Variants in TNRC6C observed in about 807,000 individuals in gnomAD.
The protein encoded by TNRC6C is trinucleotide repeat-containing gene 6C protein.
In TNRC6C, 20 loss-of-function variants were observed where a neutral mutation model predicts 153.7. That is an observed-to-expected ratio of 0.13 (90% CI 0.09 to 0.19). The LOEUF (loss-of-function observed/expected upper bound fraction) is 0.19. Ranked by LOEUF, TNRC6C falls within the 10% of genes least tolerant of loss-of-function variation. The pLI is 1.00. For missense variants in TNRC6C, 1,987 were observed against 2,172.0 expected (o/e 0.91, Z 1.69); for synonymous variants, 811 against 841.4 (o/e 0.96, Z 0.63).
At chr17:78,054,626 A>G (rs1286386900) in intron 3 of TNRC6C, among the ~76,000 whole-genome samples, 1 of 151,866 alleles carries the variant, frequency 6.6e-6, no homozygotes, top group Non-Finnish European at 1.5e-5. Context: ...AGACTAGTAT[A>G]CACCACTGCA....
upstream of TNRC6C, among the ~76,000 whole-genome samples, chr17:77,999,259 G>A (rs751419302): frequency 5.9e-5 from 9 of 152,294 alleles, no homozygotes; most frequent in African/African-American, 1.4e-4. Flanking sequence ...CCTCTGCTGC[G>A]AAAGATGGGT....
At chr17:77,965,081 A>T (rs751076148) in intron 1 of TNRC6C, among the ~76,000 whole-genome samples, 1 of 152,222 alleles carries the variant, frequency 6.6e-6, no homozygotes, top group Admixed American at 6.5e-5. Flanking sequence ...TGCCAAGGAC[A>T]TGAGTTTATC....
exon 3 of TNRC6C, chr17:78,050,876 T>C (rs2072515465): frequency 6.2e-7 from 1 of 1,613,766 alleles, no homozygotes; most frequent in African/African-American, 1.3e-5. Context: ...TCATCGTCTG[T>C]CCTTGGACAC....
At position 78,101,561 on chromosome 17, in the gene TNRC6C, G is replaced by A. The variant is rs566837411; in HGVS notation, c.4502-913G>A. 2.0e-3 allele frequency among the ~76,000 whole-genome samples: 312 copies of A among 152,262 alleles called. 4 individuals are homozygous for A. Among genetic ancestry groups the A allele is most frequent in the African/African-American group, 6.8e-3 (283 of 41,524 alleles). On this transcript the variant is annotated intron_variant, in intron 17 of 19. Coordinates refer to ENST00000301624, the Ensembl canonical transcript of TNRC6C. ...GACACACACACAGAAATAGAGCGGT[G>A]TGAAGTGGGAAATCGGGGGTCTCAC...
intron 1 of TNRC6C, among the ~76,000 whole-genome samples, chr17:78,014,579 T>C (rs1163272179): frequency 6.6e-6 from 1 of 151,346 alleles, no homozygotes; most frequent in Non-Finnish European, 1.5e-5. Flanking sequence ...TCTTACTGTT[T>C]GTAGTCATTA....
At chr17:77,981,984 T>C (rs2071084874) in intron 1 of TNRC6C, among the ~76,000 whole-genome samples, 1 of 152,054 alleles carries the variant, frequency 6.6e-6, no homozygotes, top group Non-Finnish European at 1.5e-5. Context: ...TGTTAGGAGG[T>C]GGGGCCTTTG....
chr17:78,060,718 C>T (rs2072750950), intron 3 of TNRC6C, among the ~76,000 whole-genome samples: 1 of 152,092 alleles, frequency 6.6e-6, no homozygotes, highest in Non-Finnish European at 1.5e-5. Flanking sequence ...TTATCATATA[C>T]TCTTAATTAA....
Position 78,067,940 on chromosome 17 carries a change from TAAC to T in TNRC6C, c.2778+18_2778+20del. The T allele has an allele frequency of 6.3e-7, 1 of 1,594,372 alleles. No homozygotes were observed. Among genetic ancestry groups the T allele is most frequent in the Non-Finnish European group, 8.5e-7 (1 of 1,171,792 alleles). Reference sequence around the variant, plus strand: ...CTTCAAAAGGTAAGTACAACACTCTTAACGACGGTACACCCTGAAAACCAAAGG... The same window carrying T: ...CTTCAAAAGGTAAGTACAACACTCTTGACGGTACACCCTGAAAACCAAAGG... On this transcript the variant is annotated intron_variant, in intron 5 of 19. Transcript: ENST00000301624.
chr17:77,980,287 G>A (rs1477167582), intron 1 of TNRC6C, among the ~76,000 whole-genome samples: 1 of 152,204 alleles, frequency 6.6e-6, no homozygotes, highest in African/African-American at 2.4e-5. Context: ...AATTTTTAAA[G>A]TAAAAATAAT....
chr17:78,029,683 CACTT>C (rs1450316882), intron 1 of TNRC6C, among the ~76,000 whole-genome samples: 2 of 152,052 alleles, frequency 1.3e-5, no homozygotes, highest in Admixed American at 6.5e-5. Flanking sequence ...TTCATAATAA[CACTT>C]AGCTTAAAAG....
At chr17:77,965,214 A>T (rs572685838) in intron 1 of TNRC6C, among the ~76,000 whole-genome samples, 16 of 152,242 alleles carry the variant, frequency 1.1e-4, no homozygotes, top group Non-Finnish European at 2.1e-4. Flanking sequence ...CAGAATTTAA[A>T]CTCAATACAC....
chr17:78,024,108 C>G (rs895921549), intron 1 of TNRC6C, among the ~76,000 whole-genome samples: 18 of 151,976 alleles, frequency 1.2e-4, no homozygotes, highest in East Asian at 3.9e-4. Context: ...CAAAAAAAAG[C>G]AAAAACAAAA....
Position 78,079,684 on chromosome 17 carries a change from T to C in TNRC6C, c.3357+143T>C. ...AGAGAAGGCCTTCTGGTTTTTAACCTATAAATTAATTTTAGACTATAAAGT... is the reference window on the plus strand; with the variant it reads ...AGAGAAGGCCTTCTGGTTTTTAACCCATAAATTAATTTTAGACTATAAAGT... On this transcript the variant is annotated intron_variant, in intron 10 of 19. Transcript: ENST00000301624. This position sits in a 1 kb window ranked among gnomAD's most constrained non-coding sequence, Gnocchi z 4.3. The C allele has an allele frequency of 9.0e-7, 1 of 1,108,776 alleles. No individual in the cohort carries two copies. The highest frequency in any genetic ancestry group is 1.3e-6 in the Non-Finnish European group (1 of 799,176). The allele number at this position is 1,108,776 out of a possible 1,614,324, so 68.7% of individuals were successfully genotyped here.
intron 19 of TNRC6C, among the ~76,000 whole-genome samples, chr17:78,103,868 A>G (rs1169122113): frequency 6.6e-6 from 1 of 152,162 alleles, no homozygotes; most frequent in Non-Finnish European, 1.5e-5. Flanking sequence ...GGGCCTACCC[A>G]TGTGACCTCA....
chr17:78,056,969 CTG>C (rs1191168555), intron 3 of TNRC6C, among the ~76,000 whole-genome samples: 1 of 152,120 alleles, frequency 6.6e-6, no homozygotes, highest in Non-Finnish European at 1.5e-5. Flanking sequence ...CAGAGTGTTT[CTG>C]TACTCTGTTC....
Position 78,091,433 on chromosome 17 carries a change from T to C in TNRC6C, c.3803-7T>C, listed in dbSNP as rs1270329896. ...CAGGCGAATCCTAACCGCATCTCTC[T>C]CTTTAGCTGGACTGAACCCAAACAT... On this transcript the variant is annotated splice_region_variant and splice_polypyrimidine_tract_variant and intron_variant, in intron 13 of 19. Transcript: ENST00000301624. 1 of 1,581,368 alleles carries C rather than the reference T, an allele frequency of 6.3e-7. No individual in the cohort carries two copies. The highest frequency in any genetic ancestry group is 8.6e-7 in the Non-Finnish European group (1 of 1,163,960).
At chr17:78,003,360 A>G (rs2071442703), upstream of TNRC6C, among the ~76,000 whole-genome samples, 1 of 152,240 alleles carries the variant, frequency 6.6e-6, no homozygotes. Flanking sequence ...GAAAAAAGAT[A>G]TGCAGAAAAC....
chr17:78,021,994 C>T (rs1455887828), intron 1 of TNRC6C, among the ~76,000 whole-genome samples: 2 of 152,144 alleles, frequency 1.3e-5, no homozygotes, highest in Non-Finnish European at 2.9e-5. Context: ...GTAGTTGGAA[C>T]TCTATTAGTA....
At position 78,077,122 on chromosome 17, in the gene TNRC6C, CTGTT is replaced by C. The variant is rs2073098865; in HGVS notation, c.3061-60_3061-57del. The C allele has an allele frequency of 3.9e-6, 6 of 1,522,024 alleles. No individual in the cohort carries two copies. In the South Asian group the frequency reaches 5.0e-5, roughly 13 times the overall value. The allele number at this position is 1,522,024 out of a possible 1,614,324, so 94.3% of individuals were successfully genotyped here. The stretch of plus-strand genomic sequence containing the variant: ...ACGCCTCCTCTGTTTCCTTGGGAAA[CTGTT>C]TGGTGCTTTGTCTGCTGATGGACAC... On this transcript the variant is annotated intron_variant, in intron 8 of 19. Coordinates refer to ENST00000301624, the Ensembl canonical transcript of TNRC6C.
Sources: gnomAD v4.1 joint callset for allele counts (sites outside exome capture counted in the v4.1 genomes callset) on GRCh38, gnomAD v4.1.1 for gene constraint, Gnocchi (gnomAD v3.1) non-coding constraint, MANE v1.5 for transcripts, NCBI Gene and HGNC (gene_info 2026-07-23, HGNC 2026-07-21) for gene names.